The following TAP1 variants were observed in gnomAD, a reference collection of about 807,000 sequenced individuals.
The protein encoded by TAP1 is transporter 1, ATP binding cassette subfamily B member, also known as antigen peptide transporter 1.
TAP1 carries 56 observed loss-of-function variants against 79.3 expected under a neutral mutation model. That is an observed-to-expected ratio of 0.71 (90% CI 0.57 to 0.88). The LOEUF (loss-of-function observed/expected upper bound fraction) is 0.88. Ranked by LOEUF, TAP1 falls within the 40% of genes least tolerant of loss-of-function variation. The pLI is 0.00. For missense variants in TAP1, 737 were observed against 936.3 expected, an observed-to-expected ratio of 0.79 and a Z score of 2.78; for synonymous variants, 355 against 401.4, an observed-to-expected ratio of 0.88 and a Z score of 1.38.
Position 32,852,002 on chromosome 6 carries a change from T to G in TAP1, c.844+107A>C. 1 of 1,437,026 alleles carries G rather than the reference T, an allele frequency of 7.0e-7. No homozygotes were observed. Among genetic ancestry groups the G allele is most frequent in the Non-Finnish European group, 9.7e-7 (1 of 1,029,956 alleles). The allele number at this position is 1,437,026 out of a possible 1,614,324, so 89.0% of individuals were successfully genotyped here. ...ATATCAAGAATGAGAAGGAACAATG[T>G]GTGTATGTGTGTGTGAGAGAGAGAG... On this transcript the variant is annotated intron_variant, in intron 3 of 10. Transcript: ENST00000354258. The surrounding 1 kb of genome is among the most constrained non-coding windows in gnomAD (Gnocchi z 4.8).
At chr6:32,846,191 T>C (rs1310964144) in intron 10 of TAP1, 1 of 261,636 alleles carries the variant, frequency 3.8e-6, no homozygotes, top group Non-Finnish European at 7.5e-6. Context: ...ATGACCTCTA[T>C]ATGAGCAGCT....
Position 32,851,249 on chromosome 6 carries a change from A to G in TAP1, c.845-100T>C. 8.4e-7 allele frequency: 1 copy of G among 1,185,250 alleles called. No homozygotes were observed. The highest frequency in any genetic ancestry group is 1.2e-6 in the Non-Finnish European group (1 of 815,036). 73.4% of individuals were successfully genotyped at this position (1,185,250 alleles called of 1,614,324 possible). A position where few individuals can be genotyped will look rare whatever the true frequency, so the allele number is the denominator to read the frequency against. On this transcript the variant is annotated intron_variant, in intron 3 of 10. Transcript: ENST00000354258. This position sits in a 1 kb window ranked among gnomAD's most constrained non-coding sequence, Gnocchi z 4.8. ...GGATGCCAGGGTCAGGGGTGTCAAC[A>G]TGGGGTTCTAAGGAGGCTGCAGGAA... is the stretch of plus-strand genomic sequence containing the variant.
At position 32,852,995 on chromosome 6, in the gene TAP1, C is replaced by G. The variant is rs775504608; in HGVS notation, c.598+44G>C. ...CTGACAATTACCTTTGATTCCTGTC[C>G]CAGTCCCCTTGTGTCCTCCCCTCTT... is the stretch of plus-strand genomic sequence containing the variant. On this transcript the variant is annotated intron_variant, in intron 1 of 10. Transcript: ENST00000354258. The surrounding 1 kb of genome is among the most constrained non-coding windows in gnomAD (Gnocchi z 4.8). 7 of 1,572,716 alleles carry G rather than the reference C, an allele frequency of 4.5e-6. No homozygotes were observed. The African/African-American group carries it at 9.4e-5, about 21-fold the overall frequency.
Position 32,848,744 on chromosome 6 carries a change from C to A in TAP1, c.1474G>T (p.Gly492Cys). 2 of 1,614,084 alleles carry A rather than the reference C, an allele frequency of 1.2e-6. No homozygotes were observed. Among genetic ancestry groups the A allele is most frequent in the Non-Finnish European group, 8.5e-7 (1 of 1,180,028 alleles). Reference protein sequence around the residue: ...LDRTPRCPPSGLLTPLHLEGL... With the variant: ...LDRTPRCPPSCLLTPLHLEGL... ...TCCAAGTGTAAGGGAGTCAACAGAC[C>A]ACTGGGTGGGCAGCGAGGGGTGCGG... The change falls in exon 7 of 11, where the codon GGT becomes TGT. Residue 492 changes from glycine (G) to cysteine (C), a missense_variant. This residue lies in a region of TAP1 where 266 missense variants were observed against 332.4 expected (regional missense o/e 0.80). Coordinates refer to ENST00000354258, the MANE Select transcript of TAP1 (RefSeq NM_000593.6).
At position 32,852,089 on chromosome 6, in the gene TAP1, G is replaced by A. The variant is rs760896101; in HGVS notation, c.844+20C>T. 1 of 1,612,954 alleles carries A rather than the reference G, an allele frequency of 6.2e-7. No individual in the cohort carries two copies. Among genetic ancestry groups the A allele is most frequent in the East Asian group, 2.2e-5 (1 of 44,876 alleles). ...ATATGAACAGTACATGGCGTATAAT[G>A]AAAGAGTTTCAGGAGAAACCTGTCT... is the stretch of plus-strand genomic sequence containing the variant. On this transcript the variant is annotated intron_variant, in intron 3 of 10. Coordinates refer to ENST00000354258, the MANE Select transcript of TAP1 (RefSeq NM_000593.6). This position sits in a 1 kb window ranked among gnomAD's most constrained non-coding sequence, Gnocchi z 4.8.
In TAP1 at chr6:32,852,551, T is replaced by C; in HGVS notation, c.599-49A>G. The C allele has an allele frequency of 1.2e-6, 2 of 1,607,872 alleles. No individual in the cohort carries two copies. Among genetic ancestry groups the C allele is most frequent in the Non-Finnish European group, 1.7e-6 (2 of 1,177,484 alleles). ...CGCACAAATATTAAGTCTAAGTAGG[T>C]CAGTTCCAGTCAGACTGGCCCCACC... On this transcript the variant is annotated intron_variant, in intron 1 of 10. Transcript: ENST00000354258. The surrounding 1 kb of genome is among the most constrained non-coding windows in gnomAD (Gnocchi z 4.8).
rs755349062 is a variant in TAP1, at chr6:32,851,134, C to G, written c.860G>C (p.Arg287Pro). ...QQNQTGNIMSRVTEDTSTLSD... is the reference protein window; with the variant it reads ...QQNQTGNIMSPVTEDTSTLSD... ...CAGGGTGGACGTGTCCTCTGTTACC[C>G]GAGACATGATGTTACCTGCAGGGTT... Residue 287 changes from arginine (R) to proline (P), a missense_variant, in exon 4 of 11, where the codon CGG (arginine) becomes CCG (proline). Coordinates refer to ENST00000354258, the MANE Select transcript of TAP1 (RefSeq NM_000593.6). The surrounding 1 kb of genome is among the most constrained non-coding windows in gnomAD (Gnocchi z 4.8). The G allele has an allele frequency of 1.8e-5, 29 of 1,612,694 alleles. No homozygotes were observed. Among genetic ancestry groups the G allele is most frequent in the Non-Finnish European group, 2.5e-5 (29 of 1,179,990 alleles).
chr6:32,846,527 T>G (rs1375905204), intron 10 of TAP1: 2 of 169,922 alleles, frequency 1.2e-5, no homozygotes, highest in African/African-American at 4.8e-5. Flanking sequence ...CTTTAGAAAT[T>G]CAGTCTATAG....
chr6:32,848,634 G>C lies in TAP1; in HGVS notation c.1566+18C>G. 1 of 1,613,464 alleles carries C rather than the reference G, an allele frequency of 6.2e-7. No homozygotes were observed. ...TTGCAGTTGGGGCCAGTGGAATACA[G>C]GGAGTGGTAGGTTGTACCTGTAGCA... On this transcript the variant is annotated intron_variant, in intron 7 of 10. Transcript: ENST00000354258.
In TAP1 at chr6:32,852,016, T is replaced by TGA. The variant is rs1205178683; in HGVS notation, c.844+91_844+92dup. The TGA allele has an allele frequency of 2.6e-4, 395 of 1,502,846 alleles. No homozygotes were observed. Among genetic ancestry groups the TGA allele is most frequent in the Non-Finnish European group, 2.8e-4 (308 of 1,087,326 alleles). 93.1% of individuals were successfully genotyped at this position (1,502,846 alleles called of 1,614,324 possible). The stretch of plus-strand genomic sequence containing the variant: ...AAGGAACAATGTGTGTATGTGTGTG[T>TGA]GAGAGAGAGAGAGCGGGGAGGGGGG... On this transcript the variant is annotated intron_variant, in intron 3 of 10. Transcript: ENST00000354258. This position sits in a 1 kb window ranked among gnomAD's most constrained non-coding sequence, Gnocchi z 4.8.
In TAP1 at chr6:32,851,113, G is replaced by A. The variant is rs139346862; in HGVS notation, c.881C>T (p.Thr294Ile). 40 of 1,612,990 alleles carry A rather than the reference G, an allele frequency of 2.5e-5. No homozygotes were observed. The African/African-American group carries it at 4.5e-4, about 18-fold the overall frequency. Residue 294 changes from threonine (T) to isoleucine (I), a missense_variant, in exon 4 of 11, where the codon ACC (threonine) becomes ATC (isoleucine). Physicochemically the swap from Thr to Ile is moderately conservative, Grantham distance 89. Around this residue, in one of 5 missense-constraint regions of TAP1, gnomAD observed 406 missense variants for 477.2 expected, o/e 0.85. Coordinates refer to ENST00000354258, the MANE Select transcript of TAP1 (RefSeq NM_000593.6). The surrounding 1 kb of genome is among the most constrained non-coding windows in gnomAD (Gnocchi z 4.8). The part of the protein sequence containing the change: ...IMSRVTEDTS[T>I]LSDSLSENLS... The stretch of plus-strand genomic sequence containing the variant: ...ATTCTCACTCAGAGAATCACTCAGG[G>A]TGGACGTGTCCTCTGTTACCCGAGA...
Position 32,852,898 on chromosome 6 carries a change from G to T in TAP1, c.598+141C>A. 6 of 1,452,160 alleles carry T rather than the reference G, an allele frequency of 4.1e-6. No individual in the cohort carries two copies. The highest frequency in any genetic ancestry group is 4.5e-6 in the Non-Finnish European group (5 of 1,100,784). 90.0% of individuals were successfully genotyped at this position (1,452,160 alleles called of 1,614,324 possible). On this transcript the variant is annotated intron_variant, in intron 1 of 10. Transcript: ENST00000354258. This position sits in a 1 kb window ranked among gnomAD's most constrained non-coding sequence, Gnocchi z 4.8. Reference sequence around the variant, plus strand: ...AGTGCCGTTTCTTCTACACCGAAGTGGTGTTCCAAGACCCACGCTAGGAGT... The same window carrying T: ...AGTGCCGTTTCTTCTACACCGAAGTTGTGTTCCAAGACCCACGCTAGGAGT...
At chr6:32,848,113 C>A (rs372263161) in intron 7 of TAP1, 21 bp from the exon 8 acceptor site, 3 of 1,575,630 alleles carry the variant, frequency 1.9e-6, no homozygotes, top group South Asian at 1.1e-5. Flanking sequence ...GAGAAGCACA[C>A]GATAAGAGGC....
chr6:32,847,469 C>T lies in TAP1; in HGVS notation c.1903+44G>A. Reference sequence around the variant, plus strand: ...AAAGGCAAGACTACTGGGGTTTCAGCAAAGGTAAAGATGGCTGGGTGGTGA... The same window carrying T: ...AAAGGCAAGACTACTGGGGTTTCAGTAAAGGTAAAGATGGCTGGGTGGTGA... On this transcript the variant is annotated intron_variant, in intron 9 of 10. Coordinates refer to ENST00000354258, the MANE Select transcript of TAP1 (RefSeq NM_000593.6). This position sits in a 1 kb window ranked among gnomAD's most constrained non-coding sequence, Gnocchi z 4.7. The T allele has an allele frequency of 6.2e-7, 1 of 1,612,458 alleles. No homozygotes were observed. Among genetic ancestry groups the T allele is most frequent in the African/African-American group, 1.3e-5 (1 of 74,956 alleles).
rs745839027 is a variant in TAP1 at position 32,849,117 on chromosome 6, A to G, written c.1250T>C (p.Ile417Thr). 25 of 1,577,612 alleles carry G rather than the reference A, an allele frequency of 1.6e-5. No homozygotes were observed. Among genetic ancestry groups the G allele is most frequent in the Admixed American group, 3.7e-5 (2 of 53,334 alleles). Residue 417 changes from isoleucine to threonine, a missense_variant and splice_region_variant, in exon 6 of 11, where the codon ATT becomes ACT. By Grantham distance (89) the Ile-to-Thr change is moderately conservative. Coordinates refer to ENST00000354258, the MANE Select transcript of TAP1 (RefSeq NM_000593.6). ...AYAVNSWTTS[I>T]SGMLLKVGIL... ...TCCCACTTTCAGCAGCATACCTGAA[A>G]TCTATAAAGAGACCACAAAAAAAGG... is the stretch of plus-strand genomic sequence containing the variant.
At chr6:32,849,229 A>G (rs1242613104) in intron 5 of TAP1, 111 bp from the exon 6 acceptor site, 3 of 1,373,298 alleles carry the variant, frequency 2.2e-6, no homozygotes, top group Admixed American at 2.0e-5. Flanking sequence ...CCTAAGTGAC[A>G]TCGGCAGGCT....
chr6:32,847,910 C>T lies in TAP1; in HGVS notation c.1740+9G>A. ...TCCCTGCCCTCCTTCAAGCCACCTG[C>T]TTCCATACCTGCCTGTGCAGGTAGC... On this transcript the variant is annotated intron_variant, in intron 8 of 10. Transcript: ENST00000354258. The surrounding 1 kb of genome is among the most constrained non-coding windows in gnomAD (Gnocchi z 4.7). The T allele has an allele frequency of 6.2e-7, 1 of 1,613,146 alleles. No individual in the cohort carries two copies. The highest frequency in any genetic ancestry group is 2.2e-5 in the East Asian group (1 of 44,890).
In TAP1 at chr6:32,848,753, GGCA is replaced by G. The variant is rs1438333859; in HGVS notation, c.1462_1464del (p.Cys488del). ...AAGGGAGTCAACAGACCACTGGGTGGGCAGCGAGGGGTGCGGTCCAGGTACTCA... is the reference window on the plus strand; with the variant it reads ...AAGGGAGTCAACAGACCACTGGGTGGGCGAGGGGTGCGGTCCAGGTACTCA... On this transcript the variant is annotated inframe_deletion, in exon 7 of 11. Transcript: ENST00000354258. 1 of 1,613,964 alleles carries G rather than the reference GGCA, an allele frequency of 6.2e-7. No individual in the cohort carries two copies. Among genetic ancestry groups the G allele is most frequent in the Non-Finnish European group, 8.5e-7 (1 of 1,180,020 alleles).
At chr6:32,846,287 G>A (rs1018809029) in intron 10 of TAP1, 2 of 187,256 alleles carry the variant, frequency 1.1e-5, no homozygotes, top group African/African-American at 4.7e-5. Context: ...GAATAAATGA[G>A]TGACAGTGCA....
Sources: allele counts gnomAD v4.1 joint callset, GRCh38; gene constraint gnomAD v4.1.1; regional missense constraint gnomAD v4.1.1; non-coding constraint Gnocchi (gnomAD v3.1); transcripts MANE v1.5; gene names NCBI Gene and HGNC (gene_info 2026-07-23, HGNC 2026-07-21).